PDGFRB: variants seen among roughly 807,000 people sequenced by gnomAD.
The protein encoded by PDGFRB is platelet derived growth factor receptor beta, also known as platelet-derived growth factor receptor beta.
A neutral mutation model predicts 120.2 loss-of-function variants in PDGFRB; 42 were observed. The ratio of observed to expected loss-of-function variants is 0.35; its 90% CI spans 0.27 to 0.45. The LOEUF is 0.45. Among genes scored for constraint, PDGFRB ranks in the 20% least tolerant of loss-of-function variants. The pLI is 1.00. For synonymous variants in PDGFRB, 586 were observed against 606.8 expected (o/e 0.97, Z 0.50); for missense variants, 1,149 against 1,476.3 (o/e 0.78, Z 3.63).
At chr5:150,116,085 TA>T (rs1284108000) in intron 22 of PDGFRB, 139 bp from the exon 23 acceptor site, 1 of 677,402 alleles carries the variant, frequency 1.5e-6, no homozygotes, top group Admixed American at 3.5e-5. Context: ...TTGTGAAAAC[TA>T]TGCAAGGCCT....
rs1759898665 is a variant in PDGFRB, at chr5:150,115,442, G to C, written c.*321C>G. On this transcript the variant is annotated 3_prime_UTR_variant, in exon 23 of 23. Transcript: ENST00000261799. Reference sequence around the variant, plus strand: ...ATTCGGTCTCCCCACCTGTCAGCCAGGGAGAGAATCCTAGATTCTGGGTCA... The same window carrying C: ...ATTCGGTCTCCCCACCTGTCAGCCACGGAGAGAATCCTAGATTCTGGGTCA... 3.6e-6 allele frequency: 1 copy of C among 279,574 alleles called. No homozygotes were observed. The highest frequency in any genetic ancestry group is 6.7e-6 in the Non-Finnish European group (1 of 150,226). 17.3% of individuals were successfully genotyped at this position (279,574 alleles called of 1,614,324 possible).
At position 150,119,584 on chromosome 5, in the gene PDGFRB, C is replaced by A. The variant is rs371317951; in HGVS notation, c.2699-18G>T. 7 of 1,467,264 alleles carry A rather than the reference C, an allele frequency of 4.8e-6. No individual in the cohort carries two copies. The highest frequency in any genetic ancestry group is 1.4e-5 in the African/African-American group (1 of 72,114). The allele number at this position is 1,467,264 out of a possible 1,614,324, so 90.9% of individuals were successfully genotyped here. A position where few individuals can be genotyped will look rare whatever the true frequency, so the allele number is the denominator to read the frequency against. ...GGTGCCACCTGTTGGGGAGCAGAGA[C>A]AAGAGATACACAGGCTCAGGGGTGG... is the stretch of plus-strand genomic sequence containing the variant. On this transcript the variant is annotated intron_variant, in intron 19 of 22. Coordinates refer to ENST00000261799, the MANE Select transcript of PDGFRB (RefSeq NM_002609.4).
chr5:150,150,970 C>G (rs1190518389), intron 1 of PDGFRB, among the ~76,000 whole-genome samples: 4 of 152,170 alleles, frequency 2.6e-5, no homozygotes, highest in African/African-American at 9.7e-5. Context: ...GGAAAATGGG[C>G]ATGTGGGAAC....
At chr5:150,146,588 C>T (rs1008320322) in intron 1 of PDGFRB, among the ~76,000 whole-genome samples, 1 of 152,096 alleles carries the variant, frequency 6.6e-6, no homozygotes, top group Admixed American at 6.5e-5. Flanking sequence ...CTGTTGCCCA[C>T]GCTGGAGTAC....
At chr5:150,145,028 C>T (rs1760883106) in intron 1 of PDGFRB, among the ~76,000 whole-genome samples, 1 of 152,238 alleles carries the variant, frequency 6.6e-6, no homozygotes, top group African/African-American at 2.4e-5. Flanking sequence ...ATGTTCCACA[C>T]ATGTGAAACA....
At chr5:150,153,121 C>T (rs1159304757) in intron 1 of PDGFRB, among the ~76,000 whole-genome samples, 4 of 152,196 alleles carry the variant, frequency 2.6e-5, no homozygotes, top group South Asian at 2.1e-4. Flanking sequence ...GGATTTAAAT[C>T]AAGCCAGGGC....
intron 3 of PDGFRB, 120 bp downstream of exon 3, chr5:150,135,435 T>C: frequency 4.2e-6 from 3 of 722,764 alleles, no homozygotes; most frequent in Non-Finnish European, 7.1e-6. Context: ...GGTTCCATGA[T>C]TGTCTGCTTT....
At chr5:150,141,437 T>C (rs1760782045) in intron 1 of PDGFRB, among the ~76,000 whole-genome samples, 1 of 152,236 alleles carries the variant, frequency 6.6e-6, no homozygotes, top group Non-Finnish European at 1.5e-5. Context: ...ACAGTGATCA[T>C]TTCCATTTTA....
chr5:150,144,726 TC>T (rs1760874586), intron 1 of PDGFRB, among the ~76,000 whole-genome samples: 1 of 151,914 alleles, frequency 6.6e-6, no homozygotes, highest in Admixed American at 6.5e-5. Context: ...GGGGCCTGGG[TC>T]CCCAGGAAGG....
chr5:150,117,291 T>G (rs1283996385), intron 22 of PDGFRB, among the ~76,000 whole-genome samples: 1 of 152,052 alleles, frequency 6.6e-6, no homozygotes, highest in African/African-American at 2.4e-5. Flanking sequence ...GTAGGTTTGC[T>G]TCTTCTTTTT....
chr5:150,117,702 T>C lies in PDGFRB; in HGVS notation c.3053A>G (p.Asp1018Gly), dbSNP rs1269577031. 3 of 1,613,848 alleles carry C rather than the reference T, an allele frequency of 1.9e-6. No individual in the cohort carries two copies. The change falls in exon 22 of 23, where the codon GAC becomes GGC. Residue 1018 changes from aspartate (D) to glycine (G), a missense_variant. Around this residue, in one of 3 missense-constraint regions of PDGFRB, gnomAD observed 202 missense variants for 214.3 expected, o/e 0.94. Coordinates refer to ENST00000261799, the MANE Select transcript of PDGFRB (RefSeq NM_002609.4). The part of the protein sequence containing the change: ...LYTAVQPNEG[D>G]NDYIIPLPDP... ...AGGCAGGGGGATGATATAGTCGTTG[T>C]CACCCTCATTGGGCTGCACGGCAGT...
intron 1 of PDGFRB, among the ~76,000 whole-genome samples, chr5:150,149,703 T>C (rs1761019937): frequency 1.3e-5 from 2 of 152,316 alleles, no homozygotes; most frequent in South Asian, 4.1e-4. Flanking sequence ...TTCAATGCTC[T>C]GGGCCAGGAG....
In PDGFRB at chr5:150,118,863, G is replaced by A; in HGVS notation, c.2799-11C>T. 1.3e-6 allele frequency: 2 copies of A among 1,571,540 alleles called. No individual in the cohort carries two copies. The highest frequency in any genetic ancestry group is 1.8e-6 in the Non-Finnish European group (2 of 1,142,210). The stretch of plus-strand genomic sequence containing the variant: ...TGCATGATCTCATAGCTGGGGATAG[G>A]GAGAAGGGTCAGGGCCTCTGGCCCA... On this transcript the variant is annotated splice_polypyrimidine_tract_variant and intron_variant, in intron 20 of 22. Coordinates refer to ENST00000261799, the MANE Select transcript of PDGFRB (RefSeq NM_002609.4).
In PDGFRB at chr5:150,132,119, C is replaced by A; in HGVS notation, c.1128-25G>T. On this transcript the variant is annotated intron_variant, in intron 7 of 22. Transcript: ENST00000261799. This position sits in a 1 kb window ranked among gnomAD's most constrained non-coding sequence, Gnocchi z 5.0. ...CCTGGGGAGCAGGAAAGGCAGCTGT[C>A]AGAGTCGGAAGGACTCTTACAGTTC... 4 of 1,290,202 alleles carry A rather than the reference C, an allele frequency of 3.1e-6. No individual in the cohort carries two copies. The highest frequency in any genetic ancestry group is 4.5e-6 in the Non-Finnish European group (4 of 885,628). 79.9% of individuals were successfully genotyped at this position (1,290,202 alleles called of 1,614,324 possible).
At chr5:150,117,074 CCCCTCTGGGCTGTAACTTCA>C (rs1759959679) in intron 22 of PDGFRB, among the ~76,000 whole-genome samples, 1 of 152,162 alleles carries the variant, frequency 6.6e-6, no homozygotes, top group South Asian at 2.1e-4. Flanking sequence ...CCTATAAAGC[CCCCTCTGGGCTGTAACTTCA>C]CCACTTCCCA....
chr5:150,133,857 G>A (rs147389987), intron 5 of PDGFRB, 24 bp downstream of exon 5: 91 of 1,613,666 alleles, frequency 5.6e-5, no homozygotes, highest in East Asian at 1.1e-4. Flanking sequence ...CCCCTCCTCC[G>A]ACCCCTGCCT....
Position 150,119,000 on chromosome 5 carries a change from C to A in PDGFRB, c.2799-148G>T. The A allele has an allele frequency of 4.9e-6, 3 of 611,572 alleles. 1 individual carries two copies. The South Asian group carries it at 6.3e-5, about 13-fold the overall frequency. 37.9% of individuals were successfully genotyped at this position (611,572 alleles called of 1,614,324 possible). On this transcript the variant is annotated intron_variant, in intron 20 of 22. Transcript: ENST00000261799. ...GTGGTGGCTGGGTGTATCCAGAGGT[C>A]CTGTCTCTGGATATTCCCTTGGGAG...
chr5:150,121,866 C>T lies in PDGFRB; in HGVS notation c.2344+14G>A. On this transcript the variant is annotated intron_variant, in intron 16 of 22. Coordinates refer to ENST00000261799, the MANE Select transcript of PDGFRB (RefSeq NM_002609.4). This position sits in a 1 kb window ranked among gnomAD's most constrained non-coding sequence, Gnocchi z 4.1. The stretch of plus-strand genomic sequence containing the variant: ...TGTTTGGATGTGGGGTACTATGTCA[C>T]TATGTCCACCCACCAGAGGGAACGT... 6.2e-7 allele frequency: 1 copy of T among 1,600,782 alleles called. No individual in the cohort carries two copies. The highest frequency in any genetic ancestry group is 2.2e-5 in the East Asian group (1 of 44,816).
chr5:150,128,642 A>G (rs1379538590), intron 10 of PDGFRB, among the ~76,000 whole-genome samples: 2 of 152,216 alleles, frequency 1.3e-5, no homozygotes, highest in South Asian at 2.1e-4. Context: ...ATTCCCTCTG[A>G]GTGGGACACC....
Sources: gnomAD v4.1 joint callset for allele counts (sites outside exome capture counted in the v4.1 genomes callset) on GRCh38, gnomAD v4.1.1 for gene constraint, gnomAD v4.1.1 regional missense constraint, Gnocchi (gnomAD v3.1) non-coding constraint, MANE v1.5 for transcripts, NCBI Gene and HGNC (gene_info 2026-07-23, HGNC 2026-07-21) for gene names.